Variants in SYN2 observed in about 807,000 individuals in gnomAD.
SYN2 encodes synapsin II, also known as synapsin-2.
In SYN2, 19 loss-of-function variants were observed where a neutral mutation model predicts 50.9. The ratio of observed to expected loss-of-function variants is 0.37; its 90% CI spans 0.26 to 0.55. SYN2 has a LOEUF of 0.55. SYN2 is among the 20% of genes least tolerant of loss of function. The pLI, the probability that SYN2 is intolerant of heterozygous loss-of-function variation, is 0.81. For synonymous variants in SYN2, 255 were observed against 224.9 expected (o/e 1.13, Z -1.20); for missense variants, 587 against 576.4 (o/e 1.02, Z -0.19).
intron 5 of SYN2, among the ~76,000 whole-genome samples, chr3:12,154,997 C>T (rs1301823934): frequency 6.7e-5 from 3 of 44,562 alleles, no homozygotes; most frequent in Non-Finnish European, 1.7e-4. Context: ...TAGGAAATTT[C>T]CCCCTTTTTA....
intron 10 of SYN2, among the ~76,000 whole-genome samples, chr3:12,177,777 C>A (rs310759): frequency 0.63 from 96,373 of 152,130 alleles, 33,412 homozygotes; most frequent in South Asian, 0.79. Flanking sequence ...TCAGGGACAT[C>A]TTTAATCATT....
intron 4 of SYN2, among the ~76,000 whole-genome samples, chr3:12,147,197 G>A (rs1028493303): frequency 2.2e-5 from 3 of 137,442 alleles, no homozygotes; most frequent in Non-Finnish European, 3.4e-5. Flanking sequence ...GGGTGTGTGT[G>A]TGTGTGTATG....
At chr3:12,049,689 T>C (rs1372901146) in intron 1 of SYN2, among the ~76,000 whole-genome samples, 1 of 152,226 alleles carries the variant, frequency 6.6e-6, no homozygotes, top group African/African-American at 2.4e-5. Flanking sequence ...GAACTCATTT[T>C]GTTTTGCAGT....
intron 1 of SYN2, among the ~76,000 whole-genome samples, chr3:12,039,379 G>A (rs1694563426): frequency 6.6e-6 from 1 of 152,036 alleles, no homozygotes; most frequent in South Asian, 2.1e-4. Context: ...GAAATACAAG[G>A]TCCCTCATGT....
chr3:12,095,935 C>G (rs889190894), intron 1 of SYN2, among the ~76,000 whole-genome samples: 3 of 152,096 alleles, frequency 2.0e-5, no homozygotes, highest in African/African-American at 7.2e-5. Context: ...ACTTGCAGTT[C>G]TTATGTACGC....
Position 12,057,287 on chromosome 3 carries a change from C to CTGTCTGTCTGTGTGTGTG in SYN2, c.377+52362_377+52363insCTGTCTGTGTGTGTGTGT, listed in dbSNP as rs71044259. Reference sequence around the variant, plus strand: ...AACCTGGGCGACAAGGCAAGACTGTCTGTGTGTGTGTGTGTGTGTGTGTGT... The same window carrying CTGTCTGTCTGTGTGTGTG: ...AACCTGGGCGACAAGGCAAGACTGTCTGTCTGTCTGTGTGTGTGTGTGTGTGTGTGTGTGTGTGTGTGT... On this transcript the variant is annotated intron_variant, in intron 1 of 12. Transcript: ENST00000621198. 6.0e-5 allele frequency among the ~76,000 whole-genome samples: 8 copies of CTGTCTGTCTGTGTGTGTG among 134,004 alleles called. No homozygotes were observed. In the East Asian group the frequency reaches 1.3e-3, roughly 22 times the overall value. 87.9% of individuals were successfully genotyped at this position (134,004 alleles called of 152,430 possible).
chr3:12,045,726 A>G (rs1294052337), intron 1 of SYN2, among the ~76,000 whole-genome samples: 1 of 152,160 alleles, frequency 6.6e-6, no homozygotes, highest in Non-Finnish European at 1.5e-5. Context: ...CTCATGGCGA[A>G]CTGATTTGTG....
At chr3:12,151,123 C>G in intron 4 of SYN2, 114 bp from the exon 5 acceptor site, 2 of 719,262 alleles carry the variant, frequency 2.8e-6, no homozygotes, top group Non-Finnish European at 4.8e-6. Context: ...CCTCACAATG[C>G]TTAGCATAAA....
chr3:12,114,295 C>T (rs575418846), intron 1 of SYN2, among the ~76,000 whole-genome samples: 1 of 152,018 alleles, frequency 6.6e-6, no homozygotes, highest in African/African-American at 2.4e-5. Context: ...TTAATTCTGT[C>T]ATCTTTTATT....
In SYN2 at chr3:12,183,319, C is replaced by T. The variant is rs1300391980; in HGVS notation, c.1316C>T (p.Thr439Ile). 1 of 1,610,546 alleles carries T rather than the reference C, an allele frequency of 6.2e-7. No homozygotes were observed. Among genetic ancestry groups the T allele is most frequent in the African/African-American group, 1.3e-5 (1 of 74,624 alleles). Residue 439 changes from threonine to isoleucine, a missense_variant, in exon 11 of 13, where the codon ACA (threonine) becomes ATA (isoleucine). By Grantham distance (89) the Thr-to-Ile change is moderately conservative. Transcript: ENST00000621198. Reference protein sequence around the residue: ...PLTTQQPQSGTLKDPDSSKTP... With the variant: ...PLTTQQPQSGILKDPDSSKTP... ...TACATTTTTGTCTTCCAGAGCGGAA[C>T]ACTTAAGGATCCGGACTCAAGCAAG...
At chr3:12,017,269 G>T (rs1474703273) in intron 1 of SYN2, among the ~76,000 whole-genome samples, 2 of 152,160 alleles carry the variant, frequency 1.3e-5, no homozygotes, top group African/African-American at 2.4e-5. Context: ...AATGTATTGG[G>T]CATGTATTTT....
chr3:12,171,368 A>G (rs1474190946), intron 10 of SYN2, among the ~76,000 whole-genome samples: 1 of 152,234 alleles, frequency 6.6e-6, no homozygotes, highest in African/African-American at 2.4e-5. Flanking sequence ...AGTCCACACT[A>G]GATTATGAGA....
chr3:12,005,392 G>A (rs1249793959), intron 1 of SYN2, among the ~76,000 whole-genome samples: 1 of 152,062 alleles, frequency 6.6e-6, no homozygotes, highest in Non-Finnish European at 1.5e-5. Context: ...GAGGGAGAAG[G>A]TGGTGGTGGG....
intron 1 of SYN2, among the ~76,000 whole-genome samples, chr3:12,074,671 T>C (rs1574925428): frequency 6.6e-6 from 1 of 152,082 alleles, no homozygotes; most frequent in African/African-American, 2.4e-5. Flanking sequence ...TATACAGGAG[T>C]CTTAATTCTG....
chr3:12,108,196 T>G (rs1029437264), intron 1 of SYN2, among the ~76,000 whole-genome samples: 1 of 151,882 alleles, frequency 6.6e-6, no homozygotes, highest in African/African-American at 2.4e-5. Flanking sequence ...TCTCAAAAAA[T>G]AAATAAATAA....
rs76099309 is a variant in SYN2 at position 12,181,832 on chromosome 3, C to T, written c.1309-1480C>T. On this transcript the variant is annotated intron_variant, in intron 10 of 12. Coordinates refer to ENST00000621198, the MANE Select transcript of SYN2 (RefSeq NM_133625.6). Reference sequence around the variant, plus strand: ...ACCAGGAGGGAAAAGTGGAGGAGTCCTGAAGGCTGATGGGATGGAGTGGTT... The same window carrying T: ...ACCAGGAGGGAAAAGTGGAGGAGTCTTGAAGGCTGATGGGATGGAGTGGTT... 5.0e-3 allele frequency among the ~76,000 whole-genome samples: 758 copies of T among 152,220 alleles called. 7 individuals are homozygous for T. Among genetic ancestry groups the T allele is most frequent in the African/African-American group, 0.017 (704 of 41,518 alleles).
chr3:12,119,294 C>G (rs1391871), intron 1 of SYN2, among the ~76,000 whole-genome samples: 3,296 of 151,730 alleles, frequency 0.022, 138 homozygotes, highest in African/African-American at 0.075. Context: ...CTATGCCTTT[C>G]CTTCCCTGTG....
At chr3:12,169,527 G>GAGTAA (rs1697887628) in intron 9 of SYN2, among the ~76,000 whole-genome samples, 1 of 152,124 alleles carries the variant, frequency 6.6e-6, no homozygotes, top group African/African-American at 2.4e-5. Flanking sequence ...TGGTCTCACT[G>GAGTAA]AGCCCTGGCA....
At chr3:12,022,275 A>T (rs537289218) in intron 1 of SYN2, among the ~76,000 whole-genome samples, 3 of 152,222 alleles carry the variant, frequency 2.0e-5, no homozygotes, top group African/African-American at 7.2e-5. Flanking sequence ...GGGACACTGG[A>T]TAGTCTCCTC....
Sources: gnomAD v4.1 joint callset for allele counts (sites outside exome capture counted in the v4.1 genomes callset) on GRCh38, gnomAD v4.1.1 for gene constraint, MANE v1.5 for transcripts, NCBI Gene and HGNC (gene_info 2026-07-23, HGNC 2026-07-21) for gene names.